TSPAN9: variants seen among roughly 807,000 people sequenced by gnomAD.
The protein encoded by TSPAN9 is tetraspanin-9.
TSPAN9 carries 16 observed loss-of-function variants against 31.0 expected under a neutral mutation model. The ratio of observed to expected loss-of-function variants is 0.52; its 90% CI spans 0.35 to 0.78. The LOEUF (loss-of-function observed/expected upper bound fraction) is 0.78. TSPAN9 is among the 30% of genes least tolerant of loss of function. The pLI is 0.01. For missense variants in TSPAN9, 272 were observed against 312.5 expected (o/e 0.87, Z 0.98); for synonymous variants, 145 against 121.6 (o/e 1.19, Z -1.27).
intron 3 of TSPAN9, among the ~76,000 whole-genome samples, chr12:3,234,015 C>T (rs190206854): frequency 1.4e-4 from 21 of 152,226 alleles, no homozygotes; most frequent in African/African-American, 3.6e-4. Flanking sequence ...TTACACAGAG[C>T]GGGGATGAAT....
At chr12:3,086,085 C>T (rs913361187) in intron 2 of TSPAN9, among the ~76,000 whole-genome samples, 1 of 152,218 alleles carries the variant, frequency 6.6e-6, no homozygotes, top group Non-Finnish European at 1.5e-5. Flanking sequence ...TCCAGCCCTG[C>T]ATGTTAATCA....
At chr12:3,248,972 C>T (rs79302180) in intron 3 of TSPAN9, among the ~76,000 whole-genome samples, 6,463 of 152,332 alleles carry the variant, frequency 0.042, 176 homozygotes, top group Non-Finnish European at 0.062. Flanking sequence ...CCCTCCTGTC[C>T]GTCCCACCCG....
At chr12:3,221,144 G>A (rs1263713963) in intron 3 of TSPAN9, among the ~76,000 whole-genome samples, 1 of 142,256 alleles carries the variant, frequency 7.0e-6, no homozygotes, top group African/African-American at 2.7e-5. Flanking sequence ...GTCCTGACTG[G>A]GCAGTCCTCT....
intron 2 of TSPAN9, among the ~76,000 whole-genome samples, chr12:3,125,450 C>T (rs1293442402): frequency 1.3e-5 from 2 of 152,008 alleles, no homozygotes; most frequent in African/African-American, 4.8e-5. Flanking sequence ...CATTCTTCCC[C>T]CCGCAGTTTT....
chr12:3,244,550 G>A (rs942791355), intron 3 of TSPAN9, among the ~76,000 whole-genome samples: 1 of 152,216 alleles, frequency 6.6e-6, no homozygotes, highest in Non-Finnish European at 1.5e-5. Flanking sequence ...ATGGCCTGGC[G>A]AGGTCTGCTT....
At chr12:3,121,449 T>C (rs2098325065) in intron 2 of TSPAN9, among the ~76,000 whole-genome samples, 1 of 128,806 alleles carries the variant, frequency 7.8e-6, no homozygotes, top group African/African-American at 3.0e-5. Flanking sequence ...AGCCTCGACC[T>C]CCCAAACTCA....
At chr12:3,139,886 C>CA (rs1565589903) in intron 2 of TSPAN9, among the ~76,000 whole-genome samples, 1 of 152,222 alleles carries the variant, frequency 6.6e-6, no homozygotes, top group Non-Finnish European at 1.5e-5. Context: ...AGGTGACTCT[C>CA]TAGCCCCTGC....
At position 3,132,696 on chromosome 12, in the gene TSPAN9, G is replaced by A. The variant is rs1257740262; in HGVS notation, c.-18+48977G>A. ...AGGTTGGGCGAAGCCTGGCGTGGAC[G>A]ACTCCCACTTCCCTGGTTCCAGATA... On this transcript the variant is annotated intron_variant, in intron 2 of 8. Coordinates refer to ENST00000011898, the MANE Select transcript of TSPAN9 (RefSeq NM_006675.5). Among the ~76,000 whole-genome samples, 8 of 152,154 alleles carry A rather than the reference G, an allele frequency of 5.3e-5. No homozygotes were observed. In the South Asian group the frequency reaches 1.4e-3, roughly 28 times the overall value.
intron 2 of TSPAN9, among the ~76,000 whole-genome samples, chr12:3,111,679 T>C (rs150323059): frequency 0.031 from 4,671 of 150,674 alleles, 101 homozygotes; most frequent in African/African-American, 0.062. Context: ...AGTGGTGCGA[T>C]CTTGGCTTAC....
chr12:3,239,013 C>T (rs759270636), intron 3 of TSPAN9, among the ~76,000 whole-genome samples: 88 of 152,220 alleles, frequency 5.8e-4, no homozygotes, highest in Non-Finnish European at 1.1e-3. Flanking sequence ...CCCACTGGCA[C>T]CCAGCATGGC....
chr12:3,278,728 A>G, intron 4 of TSPAN9, 116 bp downstream of exon 4: 3 of 1,384,486 alleles, frequency 2.2e-6, no homozygotes, highest in Non-Finnish European at 2.9e-6. Context: ...GAGCCCAGGG[A>G]AACTGCTTCT....
chr12:3,084,629 A>G (rs1304752848), intron 2 of TSPAN9, among the ~76,000 whole-genome samples: 2 of 152,212 alleles, frequency 1.3e-5, no homozygotes, highest in African/African-American at 4.8e-5. Flanking sequence ...TGTCATCATG[A>G]TCAGACTCAG....
In TSPAN9 at chr12:3,107,848, A is replaced by G. The variant is rs1436214031; in HGVS notation, c.-18+24129A>G. 6.6e-6 allele frequency among the ~76,000 whole-genome samples: 1 copy of G among 152,164 alleles called. No homozygotes were observed. The highest frequency in any genetic ancestry group is 1.5e-5 in the Non-Finnish European group (1 of 68,038). On this transcript the variant is annotated intron_variant, in intron 2 of 8. Coordinates refer to ENST00000011898, the MANE Select transcript of TSPAN9 (RefSeq NM_006675.5). The surrounding 1 kb of genome is among the most constrained non-coding windows in gnomAD (Gnocchi z 4.1). ...CATTTTTTCCTGGCTTGAGTTTCAA[A>G]TGTCAACTGGGACTCTTGTCTCTGT...
At chr12:3,210,095 CT>C (rs1421568530) in intron 3 of TSPAN9, among the ~76,000 whole-genome samples, 2 of 148,232 alleles carry the variant, frequency 1.3e-5, no homozygotes, top group Admixed American at 6.8e-5. Context: ...AGATCGCGCA[CT>C]GCACTCCAGC....
At chr12:3,268,557 CCT>C (rs1862590012) in intron 3 of TSPAN9, among the ~76,000 whole-genome samples, 1 of 126,390 alleles carries the variant, frequency 7.9e-6, no homozygotes, top group African/African-American at 3.1e-5. Flanking sequence ...TGCAGCCTGC[CCT>C]CTCTGTGTTC....
At chr12:3,229,456 G>T (rs2098389533) in intron 3 of TSPAN9, among the ~76,000 whole-genome samples, 1 of 152,140 alleles carries the variant, frequency 6.6e-6, no homozygotes, top group Non-Finnish European at 1.5e-5. Context: ...TAATTATCTT[G>T]CTCCCAGCAA....
chr12:3,118,265 T>TTG (rs2098323470), intron 2 of TSPAN9, among the ~76,000 whole-genome samples: 1 of 101,748 alleles, frequency 9.8e-6, no homozygotes, highest in Non-Finnish European at 2.1e-5. Context: ...CGTTTTTTTT[T>TTG]TTTTTTTTTT....
intron 2 of TSPAN9, among the ~76,000 whole-genome samples, chr12:3,130,857 G>A (rs1253451124): frequency 6.6e-6 from 1 of 151,942 alleles, no homozygotes; most frequent in African/African-American, 2.4e-5. Flanking sequence ...TTTTTTTGTG[G>A]CGACCTTGAT....
At chr12:3,236,968 G>A (rs1365724526) in intron 3 of TSPAN9, among the ~76,000 whole-genome samples, 1 of 152,134 alleles carries the variant, frequency 6.6e-6, no homozygotes, top group Non-Finnish European at 1.5e-5. Context: ...AGATAGAAAC[G>A]AGCACACATG....
Sources: allele counts gnomAD v4.1 joint callset (sites outside exome capture counted in the v4.1 genomes callset), GRCh38; gene constraint gnomAD v4.1.1; non-coding constraint Gnocchi (gnomAD v3.1); transcripts MANE v1.5; gene names NCBI Gene and HGNC (gene_info 2026-07-23, HGNC 2026-07-21).